Variants in PRSS16 observed in about 807,000 individuals in gnomAD.
PRSS16 encodes serine protease 16, also known as thymus-specific serine protease.
PRSS16 carries 43 observed loss-of-function variants against 61.7 expected under a neutral mutation model. That is an observed-to-expected ratio of 0.70 (90% confidence interval 0.55 to 0.90). The LOEUF (loss-of-function observed/expected upper bound fraction) is 0.90, where lower values mean the gene tolerates loss of function less well. Among genes scored for constraint, PRSS16 ranks in the 40% least tolerant of loss-of-function variants. PRSS16 has a pLI of 0.00. For synonymous variants in PRSS16, 273 were observed against 285.2 expected (o/e 0.96, Z 0.43); for missense variants, 591 against 659.1 (o/e 0.90, Z 1.13).
chr6:27,251,120 G>A lies in PRSS16; in HGVS notation c.669+1G>A, dbSNP rs751290225. The A allele has an allele frequency of 6.2e-6, 10 of 1,613,994 alleles. No individual in the cohort carries two copies. The highest frequency in any genetic ancestry group is 2.2e-5 in the South Asian group (2 of 91,096). Reference sequence around the variant, plus strand: ...GCTGGATTTCTCCGAGTATAATGACGTAAGGATGGCGGGCAGCAGGTGCGG... The same window carrying A: ...GCTGGATTTCTCCGAGTATAATGACATAAGGATGGCGGGCAGCAGGTGCGG... On this transcript the variant is annotated splice_donor_variant, in intron 6 of 11. Coordinates refer to ENST00000230582, the MANE Select transcript of PRSS16 (RefSeq NM_005865.4). LOFTEE classifies it high-confidence loss of function. This position sits in a 1 kb window ranked among gnomAD's most constrained non-coding sequence, Gnocchi z 5.6.
Position 27,252,687 on chromosome 6 carries a change from G to T in PRSS16, c.1009-121G>T. The T allele has an allele frequency of 9.4e-7, 1 of 1,063,818 alleles. No homozygotes were observed. The highest frequency in any genetic ancestry group is 1.4e-6 in the Non-Finnish European group (1 of 730,162). The allele number at this position is 1,063,818 out of a possible 1,614,324, so 65.9% of individuals were successfully genotyped here. ...CCCCTCTGACCACTGACTCCCAGGA[G>T]AACTCAGGAACTCACCCTTCTATTT... On this transcript the variant is annotated intron_variant, in intron 8 of 11. Coordinates refer to ENST00000230582, the MANE Select transcript of PRSS16 (RefSeq NM_005865.4). This position sits in a 1 kb window ranked among gnomAD's most constrained non-coding sequence, Gnocchi z 4.2.
At chr6:27,254,416 T>C (rs1452049275) in intron 9 of PRSS16, 2 of 389,376 alleles carry the variant, frequency 5.1e-6, no homozygotes, top group Non-Finnish European at 9.3e-6. Context: ...TCAGTTCTAC[T>C]AATTTCTCAA....
intron 4 of PRSS16, 31 bp from the exon 5 acceptor site, chr6:27,250,652 A>G (rs201178324): frequency 2.7e-5 from 42 of 1,560,540 alleles, no homozygotes; most frequent in Non-Finnish European, 3.5e-5. Flanking sequence ...CCCAGCGATG[A>G]GGACCGACCG....
intron 2 of PRSS16, among the ~76,000 whole-genome samples, 200 bp from the exon 3 acceptor site, chr6:27,248,647 A>G (rs1000427791): frequency 2.0e-5 from 3 of 151,906 alleles, no homozygotes; most frequent in Admixed American, 6.6e-5. Flanking sequence ...CCAGGTCAAA[A>G]ATTTGCTTTT....
intron 1 of PRSS16, 26 bp from the exon 2 acceptor site, chr6:27,247,856 G>A (rs753034339): frequency 2.5e-6 from 4 of 1,612,742 alleles, no homozygotes; most frequent in Non-Finnish European, 3.4e-6. Context: ...GGGCCAGCCT[G>A]ACTTCCTTCC....
rs753844769 is a variant in PRSS16 at position 27,247,907 on chromosome 6, G to A, written c.96G>A (p.Glu32=). The A allele has an allele frequency of 1.2e-6, 2 of 1,604,542 alleles. No individual in the cohort carries two copies. Among genetic ancestry groups the A allele is most frequent in the East Asian group, 2.2e-5 (1 of 44,816 alleles). The change falls in exon 2 of 12, where the codon GAG becomes GAA. Residue 32 remains glutamate (E), a synonymous_variant. Coordinates refer to ENST00000230582, the MANE Select transcript of PRSS16 (RefSeq NM_005865.4). ...APASLLRRLG[E]HIQQFQESSA... is the part of the protein sequence containing the mutation. ...CCTCCCTTCTTAGGCGCCTGGGTGA[G>A]CACATTCAGCAGTTTCAGGAGAGCT...
In PRSS16 at chr6:27,255,207, G is replaced by A; in HGVS notation, c.1477-40G>A. On this transcript the variant is annotated intron_variant, in intron 11 of 11. Transcript: ENST00000230582. The surrounding 1 kb of genome is among the most constrained non-coding windows in gnomAD (Gnocchi z 4.4). Reference sequence around the variant, plus strand: ...TTGCATGTTCCCTCCTTCTGCTGGTGCTGAAATCTGACTTTCAAATTCTTC... The same window carrying A: ...TTGCATGTTCCCTCCTTCTGCTGGTACTGAAATCTGACTTTCAAATTCTTC... 2 of 1,613,680 alleles carry A rather than the reference G, an allele frequency of 1.2e-6. No individual in the cohort carries two copies. The highest frequency in any genetic ancestry group is 8.5e-7 in the Non-Finnish European group (1 of 1,179,658).
Position 27,251,582 on chromosome 6 carries a change from G to C in PRSS16, c.718-168G>C, listed in dbSNP as rs1285123751. 1.1e-6 allele frequency: 1 copy of C among 882,858 alleles called. No homozygotes were observed. Among genetic ancestry groups the C allele is most frequent in the African/African-American group, 1.7e-5 (1 of 58,020 alleles). The allele number at this position is 882,858 out of a possible 1,614,324, so 54.7% of individuals were successfully genotyped here. On this transcript the variant is annotated intron_variant, in intron 7 of 11. Coordinates refer to ENST00000230582, the MANE Select transcript of PRSS16 (RefSeq NM_005865.4). This position sits in a 1 kb window ranked among gnomAD's most constrained non-coding sequence, Gnocchi z 5.6. ...CCGAGAAGGAGGGCTGCGAGGCAGG[G>C]GATTGGGGGCGGGGGCCTGGGGGCG...
At position 27,251,064 on chromosome 6, in the gene PRSS16, C is replaced by G. The variant is rs1263041465; in HGVS notation, c.614C>G (p.Ser205Trp). ...RLKFPHLIFA[S>W]VASSAPVRAV... The stretch of plus-strand genomic sequence containing the variant: ...TAGTTCCCCCATCTCATTTTCGCGT[C>G]GGTCGCCTCCTCCGCCCCGGTGCGG... Residue 205 changes from serine to tryptophan, a missense_variant, in exon 6 of 12, where the codon TCG (serine) becomes TGG (tryptophan). Coordinates refer to ENST00000230582, the MANE Select transcript of PRSS16 (RefSeq NM_005865.4). This position sits in a 1 kb window ranked among gnomAD's most constrained non-coding sequence, Gnocchi z 5.6. 1 of 1,613,934 alleles carries G rather than the reference C, an allele frequency of 6.2e-7. No homozygotes were observed. Among genetic ancestry groups the G allele is most frequent in the Non-Finnish European group, 8.5e-7 (1 of 1,180,044 alleles).
chr6:27,251,691 G>A lies in PRSS16; in HGVS notation c.718-59G>A, dbSNP rs1759907763. 6.5e-7 allele frequency: 1 copy of A among 1,542,518 alleles called. No individual in the cohort carries two copies. Among genetic ancestry groups the A allele is most frequent in the Non-Finnish European group, 8.6e-7 (1 of 1,157,050 alleles). Reference sequence around the variant, plus strand: ...AACCCAAGGAGGACGCAGGTCCTGGGTAGGGAAAGCCGAGGCCCAGCCTAA... The same window carrying A: ...AACCCAAGGAGGACGCAGGTCCTGGATAGGGAAAGCCGAGGCCCAGCCTAA... On this transcript the variant is annotated intron_variant, in intron 7 of 11. Transcript: ENST00000230582. This position sits in a 1 kb window ranked among gnomAD's most constrained non-coding sequence, Gnocchi z 5.6.
intron 2 of PRSS16, 112 bp downstream of exon 2, chr6:27,248,160 C>T (rs1761263084): frequency 8.0e-7 from 1 of 1,252,838 alleles, no homozygotes. Context: ...TCTCCCCATC[C>T]CTCTGCTTGA....
rs1405887257 is a variant in PRSS16, at chr6:27,247,943, C to T, written c.132C>T (p.Gly44=). 1.9e-6 allele frequency: 3 copies of T among 1,605,206 alleles called. No homozygotes were observed. Among genetic ancestry groups the T allele is most frequent in the Admixed American group, 1.7e-5 (1 of 58,810 alleles). ...IQQFQESSAQ[G]LGLSLGPGAA... ...AGTTTCAGGAGAGCTCTGCCCAGGG[C>T]CTGGGCCTGAGCCTGGGGCCAGGTG... Residue 44 remains glycine, a synonymous_variant, in exon 2 of 12, where the codon GGC becomes GGT. Coordinates refer to ENST00000230582, the MANE Select transcript of PRSS16 (RefSeq NM_005865.4).
intron 9 of PRSS16, chr6:27,254,263 A>T (rs187713697): frequency 6.1e-4 from 96 of 158,196 alleles, no homozygotes; most frequent in Middle Eastern, 3.3e-3. Flanking sequence ...GATGTTACAG[A>T]AGTTATCTTT....
rs1474723362 is a variant in PRSS16, at chr6:27,251,594, G to A, written c.718-156G>A. On this transcript the variant is annotated intron_variant, in intron 7 of 11. Coordinates refer to ENST00000230582, the MANE Select transcript of PRSS16 (RefSeq NM_005865.4). The surrounding 1 kb of genome is among the most constrained non-coding windows in gnomAD (Gnocchi z 5.6). ...GCTGCGAGGCAGGGGATTGGGGGCG[G>A]GGGCCTGGGGGCGGGGGCCTGGGCC... is the stretch of plus-strand genomic sequence containing the variant. 3.0e-6 allele frequency: 3 copies of A among 988,176 alleles called. No individual in the cohort carries two copies. The highest frequency in any genetic ancestry group is 1.8e-5 in the South Asian group (1 of 55,564). 61.2% of individuals were successfully genotyped at this position (988,176 alleles called of 1,614,324 possible). A position where few individuals can be genotyped will look rare whatever the true frequency, so the allele number is the denominator to read the frequency against.
In PRSS16 at chr6:27,248,007, C is replaced by CT. The variant is rs746037293; in HGVS notation, c.197dup (p.Asp67GlyfsTer19). 6.2e-7 allele frequency: 1 copy of CT among 1,613,856 alleles called. No individual in the cohort carries two copies. Among genetic ancestry groups the CT allele is most frequent in the Non-Finnish European group, 8.5e-7 (1 of 1,179,900 alleles). On this transcript the variant is annotated frameshift_variant, in exon 2 of 12. Transcript: ENST00000230582. LOFTEE classifies it high-confidence loss of function. ...AAAAGTGGGGTGGCTGGAGCAACTG[C>CT]TGGACCCCTTCAACGTGTCCGACAG...
chr6:27,255,250 A>G lies in PRSS16; in HGVS notation c.1480A>G (p.Ile494Val). 6.2e-7 allele frequency: 1 copy of G among 1,614,070 alleles called. No individual in the cohort carries two copies. Among genetic ancestry groups the G allele is most frequent in the Non-Finnish European group, 8.5e-7 (1 of 1,179,986 alleles). Residue 494 changes from isoleucine (I) to valine (V), a missense_variant, in exon 12 of 12, where the codon ATC becomes GTC. Coordinates refer to ENST00000230582, the MANE Select transcript of PRSS16 (RefSeq NM_005865.4). This position sits in a 1 kb window ranked among gnomAD's most constrained non-coding sequence, Gnocchi z 4.4. ...SPSLRLGRQN[I>V]FQQLQTWLKL... is the part of the protein sequence containing the mutation. Reference sequence around the variant, plus strand: ...AATTCTTCCCACCTCCCCACAGAACATCTTCCAGCAGCTACAGACCTGGCT... The same window carrying G: ...AATTCTTCCCACCTCCCCACAGAACGTCTTCCAGCAGCTACAGACCTGGCT...
Position 27,251,800 on chromosome 6 carries a change from C to G in PRSS16, c.768C>G (p.Arg256=), listed in dbSNP as rs774758285. 2 of 1,609,268 alleles carry G rather than the reference C, an allele frequency of 1.2e-6. No individual in the cohort carries two copies. The highest frequency in any genetic ancestry group is 1.7e-5 in the Admixed American group (1 of 59,116). The change falls in exon 8 of 12, where the codon CGC becomes CGG. Residue 256 remains arginine (R), a synonymous_variant. Transcript: ENST00000230582. This position sits in a 1 kb window ranked among gnomAD's most constrained non-coding sequence, Gnocchi z 5.6. Reference sequence around the variant, plus strand: ...TCGCTGAAGTGGAGCGGCGGCTGCGCTCGGGTGGGGCGGCTCAAGCAGCAT... The same window carrying G: ...TCGCTGAAGTGGAGCGGCGGCTGCGGTCGGGTGGGGCGGCTCAAGCAGCAT... ...VAFAEVERRL[R]SGGAAQAALR...
At chr6:27,249,023 T>C in intron 3 of PRSS16, 77 bp downstream of exon 3, 5 of 1,515,892 alleles carry the variant, frequency 3.3e-6, no homozygotes, top group Middle Eastern at 1.7e-4. Context: ...TGCAATGCTG[T>C]GAGACCTGAG....
Position 27,249,181 on chromosome 6 carries a change from C to G in PRSS16, c.419C>G (p.Ala140Gly). 2.5e-6 allele frequency: 4 copies of G among 1,613,562 alleles called. No individual in the cohort carries two copies. The highest frequency in any genetic ancestry group is 3.4e-6 in the Non-Finnish European group (4 of 1,179,976). ...EHRFYGLSIP[A>G]GGLEMAQLRF... ...AGATTTTATGGCCTGAGTATACCTG[C>G]TGGAGGCCTGGAAATGGCCCAGCTC... is the stretch of plus-strand genomic sequence containing the variant. The change falls in exon 4 of 12, where the codon GCT becomes GGT. Residue 140 changes from alanine (A) to glycine (G), a missense_variant. Physicochemically the swap from Ala to Gly is moderately conservative, Grantham distance 60 (BLOSUM62 0). Transcript: ENST00000230582.
Sources: allele counts gnomAD v4.1 joint callset (sites outside exome capture counted in the v4.1 genomes callset), GRCh38; gene constraint gnomAD v4.1.1; non-coding constraint Gnocchi (gnomAD v3.1); transcripts MANE v1.5; gene names NCBI Gene and HGNC (gene_info 2026-07-23, HGNC 2026-07-21).